Variants in ACACB observed in about 807,000 individuals in gnomAD.
ACACB encodes the protein acetyl-CoA carboxylase 2.
In ACACB, 209 loss-of-function variants were observed where a neutral mutation model predicts 278.8. That is an observed-to-expected ratio of 0.75 (90% CI 0.67 to 0.84). The LOEUF is 0.84. Among genes scored for constraint, ACACB ranks in the 40% least tolerant of loss-of-function variants. The pLI is 0.00. For synonymous variants in ACACB, 1,174 were observed against 1,285.6 expected, an observed-to-expected ratio of 0.91 and a Z score of 1.86; for missense variants, 2,850 against 3,269.0, an observed-to-expected ratio of 0.87 and a Z score of 3.13.
At chr12:109,201,065 G>A (rs116602467) in intron 18 of ACACB, among the ~76,000 whole-genome samples, 1,533 of 152,300 alleles carry the variant, frequency 0.01, 22 homozygotes, top group African/African-American at 0.035. Context: ...CGCCACCATG[G>A]TGACAAAGCT....
chr12:109,123,061 G>T (rs2042588440), intron 1 of ACACB, among the ~76,000 whole-genome samples: 1 of 151,340 alleles, frequency 6.6e-6, no homozygotes, highest in South Asian at 2.1e-4. Context: ...GGTGCCTGTA[G>T]TCCCAGCTAC....
Position 109,180,037 on chromosome 12 carries a change from C to G in ACACB, c.1768C>G (p.Pro590Ala). 1 of 1,613,148 alleles carries G rather than the reference C, an allele frequency of 6.2e-7. No homozygotes were observed. The highest frequency in any genetic ancestry group is 8.5e-7 in the Non-Finnish European group (1 of 1,179,994). ...ELNPRLQVEH[P>A]CTEMIADVNL... ...GAATCCTCGCTTGCAGGTGGAACAT[C>G]CCTGCACAGAAATGATTGCTGATGT... Residue 590 changes from proline (P) to alanine (A), a missense_variant, in exon 11 of 53, where the codon CCC (proline) becomes GCC (alanine). Physicochemically the swap from Pro to Ala is conservative, Grantham distance 27. Coordinates refer to ENST00000338432, the MANE Select transcript of ACACB (RefSeq NM_001093.4).
At chr12:109,120,830 CTTT>C (rs2042530122) in intron 1 of ACACB, among the ~76,000 whole-genome samples, 1 of 152,210 alleles carries the variant, frequency 6.6e-6, no homozygotes, top group African/African-American at 2.4e-5. Flanking sequence ...GAACAACAGA[CTTT>C]CTCTCTGTGC....
At chr12:109,206,877 A>C (rs2045533893) in intron 20 of ACACB, 21 bp downstream of exon 20, 1 of 1,614,032 alleles carries the variant, frequency 6.2e-7, no homozygotes. Flanking sequence ...CTATGAGCGC[A>C]GGCGTGTAGA....
rs869303420 is a variant in ACACB, at chr12:109,166,649, C to CAAAAAAAAAAAAA, written c.654-196_654-184dup. 2.0e-3 allele frequency among the ~76,000 whole-genome samples: 49 copies of CAAAAAAAAAAAAA among 25,084 alleles called. 14 individuals are homozygous for CAAAAAAAAAAAAA. The highest frequency in any genetic ancestry group is 2.4e-3 in the Non-Finnish European group (38 of 15,566). The allele number at this position is 25,084 out of a possible 152,430, so 16.5% of individuals were successfully genotyped here. On this transcript the variant is annotated intron_variant, in intron 2 of 52. Coordinates refer to ENST00000338432, the MANE Select transcript of ACACB (RefSeq NM_001093.4). ...TAGGTGACAGAATGAGATCCCGTCT[C>CAAAAAAAAAAAAA]AAAAAAAAAAAAAAAAAAAAAAAAA...
At chr12:109,206,940 G>T in intron 20 of ACACB, 84 bp downstream of exon 20, 1 of 1,471,560 alleles carries the variant, frequency 6.8e-7, no homozygotes, top group Non-Finnish European at 9.3e-7. Context: ...TCATTATTGA[G>T]TAAGAAATGA....
chr12:109,249,915 T>C (rs2047048978), intron 40 of ACACB, 69 bp from the exon 41 acceptor site: 1 of 1,538,128 alleles, frequency 6.5e-7, no homozygotes, highest in Admixed American at 2.1e-5. Flanking sequence ...AGTCCCTTCT[T>C]GGGAAATGCA....
intron 2 of ACACB, 26 bp downstream of exon 2, chr12:109,140,084 T>G: frequency 6.4e-7 from 1 of 1,552,934 alleles, no homozygotes; most frequent in Non-Finnish European, 8.7e-7. Flanking sequence ...TCCTTGTAAC[T>G]GAGGAGTGCA....
At chr12:109,190,756 TA>T (rs892807798) in intron 13 of ACACB, among the ~76,000 whole-genome samples, 2 of 151,900 alleles carry the variant, frequency 1.3e-5, no homozygotes, top group Non-Finnish European at 2.9e-5. Context: ...GCCTCCTGAG[TA>T]GCTGGGACTA....
chr12:109,166,972 G>C lies in ACACB; in HGVS notation c.765G>C (p.Gly255=), dbSNP rs769511892. 7 of 1,614,052 alleles carry C rather than the reference G, an allele frequency of 4.3e-6. No individual in the cohort carries two copies. The highest frequency in any genetic ancestry group is 3.3e-5 in the South Asian group (3 of 91,068). The part of the protein sequence containing the change: ...ASPAEFVTRF[G]GDRVIEKVLI... ...CCGCTGAGTTTGTCACACGCTTTGG[G>C]GGGGATCGGGTCATCGAGAAGGTAC... Residue 255 remains glycine, a synonymous_variant, in exon 3 of 53, where the codon GGG becomes GGC. Coordinates refer to ENST00000338432, the MANE Select transcript of ACACB (RefSeq NM_001093.4).
In ACACB at chr12:109,246,246, T is replaced by C. The variant is rs376636256; in HGVS notation, c.5369T>C (p.Val1790Ala). ...QEYPEGRDVI[V>A]IGNDITFRIG... Reference sequence around the variant, plus strand: ...TACCCGGAAGGACGGGATGTGATCGTCATCGGCAATGACATCACCTTTCGC... The same window carrying C: ...TACCCGGAAGGACGGGATGTGATCGCCATCGGCAATGACATCACCTTTCGC... The change falls in exon 39 of 53, where the codon GTC becomes GCC. Residue 1790 changes from valine to alanine, a missense_variant. Transcript: ENST00000338432. 7.1e-5 allele frequency: 115 copies of C among 1,613,506 alleles called. No homozygotes were observed. The highest frequency in any genetic ancestry group is 7.0e-5 in the Non-Finnish European group (83 of 1,179,932).
rs865815158 is a variant in ACACB, at chr12:109,262,337, C to T, written c.6675-20C>T. 1 of 1,600,790 alleles carries T rather than the reference C, an allele frequency of 6.2e-7. No individual in the cohort carries two copies. Among genetic ancestry groups the T allele is most frequent in the African/African-American group, 1.3e-5 (1 of 74,762 alleles). ...GGGCAATGCCTCATATACCCCCATCCCTGCCTCTTCTCTTTTAAGGGGTGG... is the reference window on the plus strand; with the variant it reads ...GGGCAATGCCTCATATACCCCCATCTCTGCCTCTTCTCTTTTAAGGGGTGG... On this transcript the variant is annotated intron_variant, in intron 48 of 52. Transcript: ENST00000338432.
At position 109,262,950 on chromosome 12, in the gene ACACB, T is replaced by TTTTATATATATATATATATATATATA. The variant is rs1346750205; in HGVS notation, c.6787+482_6787+483insTTATATATATATATATATATATATAT. ...CATTTCTAAATCAACCTTTTTAACA[T>TTTTATATATATATATATATATATATA]TATATATATATATATATATATATAT... On this transcript the variant is annotated intron_variant, in intron 49 of 52. Coordinates refer to ENST00000338432, the MANE Select transcript of ACACB (RefSeq NM_001093.4). The TTTTATATATATATATATATATATATA allele has an allele frequency of 7.2e-4, 45 of 62,502 alleles. 7 individuals carry two copies. Among genetic ancestry groups the TTTTATATATATATATATATATATATA allele is most frequent in the Non-Finnish European group, 1.5e-3 (39 of 25,652 alleles). 3.9% of individuals were successfully genotyped at this position (62,502 alleles called of 1,614,324 possible).
chr12:109,170,048 A>G (rs1290410231), intron 4 of ACACB, among the ~76,000 whole-genome samples: 1 of 152,198 alleles, frequency 6.6e-6, no homozygotes, highest in Non-Finnish European at 1.5e-5. Context: ...TTCCTAGTCC[A>G]AAACACTGCT....
In ACACB at chr12:109,197,166, G is replaced by A; in HGVS notation, c.2627+13G>A. 2 of 1,598,272 alleles carry A rather than the reference G, an allele frequency of 1.3e-6. No individual in the cohort carries two copies. Among genetic ancestry groups the A allele is most frequent in the Non-Finnish European group, 1.7e-6 (2 of 1,173,336 alleles). ...AAGAGGTTGACAGGTGCGTGGGGGT[G>A]CGAGTCCCACTGTGGGCTGGGCATG... On this transcript the variant is annotated intron_variant, in intron 17 of 52. Transcript: ENST00000338432.
intron 3 of ACACB, 22 bp downstream of exon 3, chr12:109,167,015 C>G (rs750075142): frequency 6.2e-7 from 1 of 1,613,686 alleles, no homozygotes; most frequent in Non-Finnish European, 8.5e-7. Context: ...TCTCGGCACT[C>G]TGGGTGGGGT....
In ACACB at chr12:109,233,919, C is replaced by T. The variant is rs889246656; in HGVS notation, c.4240-19C>T. Reference sequence around the variant, plus strand: ...GGCCCCCAGGCTTTCCAGCCCTACCCCTTGCTTCTCCCTCTCAGAGCCTCA... The same window carrying T: ...GGCCCCCAGGCTTTCCAGCCCTACCTCTTGCTTCTCCCTCTCAGAGCCTCA... On this transcript the variant is annotated intron_variant, in intron 30 of 52. Transcript: ENST00000338432. 2.5e-6 allele frequency: 4 copies of T among 1,613,552 alleles called. No homozygotes were observed. The highest frequency in any genetic ancestry group is 3.4e-6 in the Non-Finnish European group (4 of 1,179,622).
At position 109,179,208 on chromosome 12, in the gene ACACB, G is replaced by C. The variant is rs764908876; in HGVS notation, c.1558G>C (p.Asp520His). The change falls in exon 10 of 53, where the codon GAC becomes CAC. Residue 520 changes from aspartate (D) to histidine (H), a missense_variant. Transcript: ENST00000338432. ...YGNAVSLFGR[D>H]CSIQRRHQKI... The stretch of plus-strand genomic sequence containing the variant: ...GAATGCTGTGTCTCTGTTTGGTCGC[G>C]ACTGCTCCATCCAGCGGCGGCATCA... The C allele has an allele frequency of 6.2e-7, 1 of 1,614,050 alleles. No individual in the cohort carries two copies. The highest frequency in any genetic ancestry group is 8.5e-7 in the Non-Finnish European group (1 of 1,180,024).
intron 48 of ACACB, among the ~76,000 whole-genome samples, 170 bp downstream of exon 48, chr12:109,260,827 A>G (rs1247611548): frequency 6.6e-6 from 1 of 152,192 alleles, no homozygotes; most frequent in African/African-American, 2.4e-5. Flanking sequence ...GAAGTTTGCA[A>G]TCAAAAAATA....
Sources: gnomAD v4.1 joint callset for allele counts (sites outside exome capture counted in the v4.1 genomes callset) on GRCh38, gnomAD v4.1.1 for gene constraint, MANE v1.5 for transcripts, NCBI Gene and HGNC (gene_info 2026-07-23, HGNC 2026-07-21) for gene names.